Variants in CELF2 observed in about 807,000 individuals in gnomAD.
CELF2 encodes CUG triplet repeat RNA-binding protein 2.
Under a neutral mutation model 62.6 loss-of-function variants are expected in CELF2, and 8 were observed. The observed-to-expected ratio is 0.13, with a 90% CI of 0.07 to 0.23. The LOEUF is 0.23. Ranked by LOEUF, CELF2 falls within the 10% of genes least tolerant of loss-of-function variation. The pLI, the probability that CELF2 is intolerant of heterozygous loss-of-function variation, is 1.00. For missense variants in CELF2, 333 were observed against 671.0 expected (o/e 0.50, Z 5.56); for synonymous variants, 258 against 250.0 (o/e 1.03, Z -0.30).
the CELF2 span, among the ~76,000 whole-genome samples, chr10:10,537,406 G>A: frequency 0.4 from 61,525 of 151,962 alleles, 13,218 homozygotes; most frequent in South Asian, 0.5. Context: ...AGGGGATGGG[G>A]GAGTATCCTC....
chr10:10,585,179 G>A, the CELF2 span, among the ~76,000 whole-genome samples: 1 of 152,122 alleles, frequency 6.6e-6, no homozygotes, highest in African/African-American at 2.4e-5. Flanking sequence ...CAATTCATAC[G>A]AGGTTTTAGA....
intron 1 of CELF2, among the ~76,000 whole-genome samples, chr10:11,164,417 A>G (rs1196254900): frequency 6.6e-6 from 1 of 152,184 alleles, no homozygotes; most frequent in Non-Finnish European, 1.5e-5. Flanking sequence ...CCAAATGGGG[A>G]TTTTGGAAAC....
intron 1 of CELF2, among the ~76,000 whole-genome samples, chr10:10,887,899 G>A (rs1487948113): frequency 6.6e-6 from 1 of 152,034 alleles, no homozygotes; most frequent in African/African-American, 2.4e-5. Flanking sequence ...AACCTCCTGA[G>A]TAGCTGGAAT....
Position 11,242,362 on chromosome 10 carries a change from C to T in CELF2, c.355-6791C>T, listed in dbSNP as rs185213026. On this transcript the variant is annotated intron_variant, in intron 3 of 12. Transcript: ENST00000633077. The surrounding 1 kb of genome is among the most constrained non-coding windows in gnomAD (Gnocchi z 4.8). Reference sequence around the variant, plus strand: ...AGCCAGCTGTGCCCCCTGCCCGCAGCTGCTTCCTTCCCCCAGGACTCTGTC... The same window carrying T: ...AGCCAGCTGTGCCCCCTGCCCGCAGTTGCTTCCTTCCCCCAGGACTCTGTC... 6.6e-6 allele frequency among the ~76,000 whole-genome samples: 1 copy of T among 152,200 alleles called. No individual in the cohort carries two copies. The highest frequency in any genetic ancestry group is 2.4e-5 in the African/African-American group (1 of 41,446).
chr10:11,036,757 C>G (rs1382803106), intron 1 of CELF2, among the ~76,000 whole-genome samples: 1 of 152,196 alleles, frequency 6.6e-6, no homozygotes, highest in African/African-American at 2.4e-5. Flanking sequence ...AGGCTTGTGC[C>G]TCATGGGCGG....
At chr10:10,543,650 C>G in the CELF2 span, among the ~76,000 whole-genome samples, 1 of 152,192 alleles carries the variant, frequency 6.6e-6, no homozygotes, top group East Asian at 1.9e-4. Flanking sequence ...AGTTTGAGAC[C>G]AGCCTGGGCA....
rs78792873 is a variant in CELF2 at position 11,316,410 on chromosome 10, G to T, written c.1096+2152G>T. ...TTTTACAATCTCCAGCATTGACCTCGAGCTAATATTTGCTGCTTGTCTCTA... is the reference window on the plus strand; with the variant it reads ...TTTTACAATCTCCAGCATTGACCTCTAGCTAATATTTGCTGCTTGTCTCTA... On this transcript the variant is annotated intron_variant, in intron 10 of 12. Coordinates refer to ENST00000633077, the MANE Select transcript of CELF2 (RefSeq NM_001326342.2). This position sits in a 1 kb window ranked among gnomAD's most constrained non-coding sequence, Gnocchi z 4.4. Among the ~76,000 whole-genome samples the T allele has an allele frequency of 6.6e-6, 1 of 152,176 alleles. No individual in the cohort carries two copies. The highest frequency in any genetic ancestry group is 1.5e-5 in the Non-Finnish European group (1 of 68,034).
At chr10:10,886,960 G>C (rs547139433) in intron 1 of CELF2, among the ~76,000 whole-genome samples, 1 of 152,180 alleles carries the variant, frequency 6.6e-6, no homozygotes, top group African/African-American at 2.4e-5. Context: ...TTTGGGGTGT[G>C]GGGTGGGAGA....
At chr10:10,989,229 G>C (rs780694021) in intron 2 of CELF2, among the ~76,000 whole-genome samples, 6 of 152,236 alleles carry the variant, frequency 3.9e-5, no homozygotes, top group Non-Finnish European at 8.8e-5. Flanking sequence ...AAAAATTTCA[G>C]TAGAATTTTT....
At chr10:10,512,107 T>C in the CELF2 span, among the ~76,000 whole-genome samples, 4 of 152,194 alleles carry the variant, frequency 2.6e-5, no homozygotes, top group Admixed American at 6.5e-5. Flanking sequence ...GGGTATTTAA[T>C]TTTTTATCAA....
At position 11,117,605 on chromosome 10, in the gene CELF2, C is replaced by T. The variant is rs1365973045; in HGVS notation, c.75-47881C>T. The stretch of plus-strand genomic sequence containing the variant: ...ATATTTATGATAAAAACAAAAACCA[C>T]GTGTGTGATGGTATCATGACATGAA... On this transcript the variant is annotated intron_variant, in intron 1 of 12. Coordinates refer to ENST00000633077, the MANE Select transcript of CELF2 (RefSeq NM_001326342.2). This position sits in a 1 kb window ranked among gnomAD's most constrained non-coding sequence, Gnocchi z 4.1. 6.6e-6 allele frequency among the ~76,000 whole-genome samples: 1 copy of T among 152,098 alleles called. No homozygotes were observed. Among genetic ancestry groups the T allele is most frequent in the African/African-American group, 2.4e-5 (1 of 41,410 alleles).
chr10:10,913,909 C>T (rs555912343), intron 1 of CELF2, among the ~76,000 whole-genome samples: 2 of 56,530 alleles, frequency 3.5e-5, no homozygotes, highest in Non-Finnish European at 7.3e-5. Flanking sequence ...GAGGGAGGGA[C>T]GGACGGGGCA....
At chr10:10,556,620 A>C in the CELF2 span, among the ~76,000 whole-genome samples, 1 of 152,120 alleles carries the variant, frequency 6.6e-6, no homozygotes, top group Non-Finnish European at 1.5e-5. Flanking sequence ...TGACTTCCAC[A>C]ATGGTTGAAC....
rs2056606519 is a variant in CELF2, at chr10:11,012,390, T to A, written c.53+6950T>A. ...CTTAATCCTCACTCTTTTTTCAAGATGTATTTGTTCAGAAAAAGGACAGAC... is the reference window on the plus strand; with the variant it reads ...CTTAATCCTCACTCTTTTTTCAAGAAGTATTTGTTCAGAAAAAGGACAGAC... On this transcript the variant is annotated intron_variant, in intron 1 of 12. Coordinates refer to the CELF2 transcript ENST00000416382. The surrounding 1 kb of genome is among the most constrained non-coding windows in gnomAD (Gnocchi z 5.5). Among the ~76,000 whole-genome samples the A allele has an allele frequency of 6.6e-6, 1 of 152,194 alleles. No homozygotes were observed. Among genetic ancestry groups the A allele is most frequent in the Non-Finnish European group, 1.5e-5 (1 of 68,038 alleles).
chr10:11,146,974 A>G (rs889759008), intron 1 of CELF2, among the ~76,000 whole-genome samples: 2 of 152,244 alleles, frequency 1.3e-5, no homozygotes, highest in Non-Finnish European at 2.9e-5. Context: ...CTAGTTCTCT[A>G]AATTGACATT....
rs1041097383 is a variant in CELF2, at chr10:11,217,683, C to T, written c.354+176C>T. ...ACCAGCTGGCCAGCCCATAAAGGAG[C>T]GCTGGCATTAACACTGACGGGAAGC... On this transcript the variant is annotated intron_variant, in intron 3 of 12. Transcript: ENST00000633077. The surrounding 1 kb of genome is among the most constrained non-coding windows in gnomAD (Gnocchi z 5.6). 1.6e-4 allele frequency among the ~76,000 whole-genome samples: 25 copies of T among 152,222 alleles called. No individual in the cohort carries two copies. The highest frequency in any genetic ancestry group is 5.9e-4 in the Admixed American group (9 of 15,286).
the CELF2 span, among the ~76,000 whole-genome samples, chr10:10,539,059 T>C: frequency 2.0e-5 from 3 of 152,198 alleles, no homozygotes; most frequent in African/African-American, 7.2e-5. Flanking sequence ...CTTTATGAAA[T>C]GCTGATTTCT....
chr10:10,544,665 T>C, the CELF2 span, among the ~76,000 whole-genome samples: 4 of 152,310 alleles, frequency 2.6e-5, no homozygotes, highest in African/African-American at 4.8e-5. Flanking sequence ...GCCTAAAATT[T>C]TGTGCGACAT....
chr10:11,196,484 C>T (rs1425219656), intron 2 of CELF2, among the ~76,000 whole-genome samples: 1 of 151,208 alleles, frequency 6.6e-6, no homozygotes, highest in African/African-American at 2.4e-5. Context: ...GGCAATACAG[C>T]GAGACCCCCA....
Sources: gnomAD v4.1 joint callset for allele counts (sites outside exome capture counted in the v4.1 genomes callset) on GRCh38, gnomAD v4.1.1 for gene constraint, Gnocchi (gnomAD v3.1) non-coding constraint, MANE v1.5 for transcripts, NCBI Gene and HGNC (gene_info 2026-07-23, HGNC 2026-07-21) for gene names.